Variants in SMG5 observed in about 807,000 individuals in gnomAD.
SMG5 encodes SMG5 nonsense mediated mRNA decay factor, also known as nonsense-mediated mRNA decay factor SMG5.
In SMG5, 53 loss-of-function variants were observed where a neutral mutation model predicts 122.9. The observed-to-expected ratio is 0.43, with a 90% CI of 0.35 to 0.54. SMG5 has a LOEUF of 0.54. Among genes scored for constraint, SMG5 ranks in the 20% least tolerant of loss-of-function variants. The pLI is 0.01. For synonymous variants in SMG5, 477 were observed against 490.2 expected (o/e 0.97, Z 0.35); for missense variants, 1,153 against 1,285.6 (o/e 0.90, Z 1.58).
rs142673543 is a variant in SMG5 at position 156,253,461 on chromosome 1, C to T, written c.2490G>A (p.Gln830=). The T allele has an allele frequency of 5.6e-6, 9 of 1,614,090 alleles. No homozygotes were observed. In the African/African-American group the frequency reaches 1.1e-4, roughly 19 times the overall value. Residue 830 remains glutamine, a synonymous_variant, in exon 17 of 22, where the codon CAG becomes CAA. Transcript: ENST00000361813. ...RRNRLMRDMA[Q]LRLQLEVSQL... Reference sequence around the variant, plus strand: ...CCTGATTTCCTACCTGAAGTCGTAGCTGAGCCATGTCTCTCATGAGCCTGT... The same window carrying T: ...CCTGATTTCCTACCTGAAGTCGTAGTTGAGCCATGTCTCTCATGAGCCTGT...
chr1:156,273,411 A>G lies in SMG5; in HGVS notation c.584T>C (p.Leu195Pro), dbSNP rs1390158220. ...QNELAGVDTE[L>P]LAERFYYQAL... ...TTGGTAGTAAAATCTCTCGGCTAGC[A>G]GCTCGGTATCTACGCCAGCTAATTC... Residue 195 changes from leucine to proline, a missense_variant, in exon 6 of 22, where the codon CTG (leucine) becomes CCG (proline). Physicochemically the swap from Leu to Pro is moderately conservative, Grantham distance 98. This residue lies in a region of SMG5 where 85 missense variants were observed against 127.3 expected (regional missense o/e 0.67). Coordinates refer to ENST00000361813, the MANE Select transcript of SMG5 (RefSeq NM_015327.3). 1.2e-6 allele frequency: 2 copies of G among 1,614,028 alleles called. No homozygotes were observed. The highest frequency in any genetic ancestry group is 2.2e-5 in the South Asian group (2 of 91,074).
chr1:156,283,265 A>C (rs1034393175), upstream of SMG5, among the ~76,000 whole-genome samples: 6 of 152,244 alleles, frequency 3.9e-5, no homozygotes, highest in Admixed American at 2.6e-4. Flanking sequence ...GCCGAGCATC[A>C]CATAGGAGTA....
chr1:156,251,387 A>G lies in SMG5; in HGVS notation c.2828+16T>C. On this transcript the variant is annotated intron_variant, in intron 20 of 21. Coordinates refer to ENST00000361813, the MANE Select transcript of SMG5 (RefSeq NM_015327.3). ...CAGGTGGCCTGAGGTTCTAGGGGTG[A>G]GGGCTAAAATGTTACCAGGCATCTG... 1 of 1,614,010 alleles carries G rather than the reference A, an allele frequency of 6.2e-7. No individual in the cohort carries two copies. Among genetic ancestry groups the G allele is most frequent in the East Asian group, 2.2e-5 (1 of 44,884 alleles).
chr1:156,279,601 G>A (rs1037343326), intron 1 of SMG5, among the ~76,000 whole-genome samples: 4 of 152,042 alleles, frequency 2.6e-5, no homozygotes, highest in Non-Finnish European at 5.9e-5. Flanking sequence ...ACTGTTGTGA[G>A]GATTAAATGA....
Position 156,282,684 on chromosome 1 carries a change from G to A in SMG5, c.-4C>T. On this transcript the variant is annotated 5_prime_UTR_variant, in exon 1 of 22. Transcript: ENST00000361813. ...CTGTGGGGGGGCCTTGGCTCATGGT[G>A]CCCGGGTCCGGGGGCAGCTCCCGGT... is the stretch of plus-strand genomic sequence containing the variant. 6.3e-7 allele frequency: 1 copy of A among 1,599,618 alleles called. No individual in the cohort carries two copies. Among genetic ancestry groups the A allele is most frequent in the African/African-American group, 1.3e-5 (1 of 74,952 alleles).
At position 156,250,444 on chromosome 1, in the gene SMG5, G is replaced by A. The variant is rs1661294214; in HGVS notation, c.*143C>T. The A allele has an allele frequency of 2.7e-6, 2 of 750,786 alleles. No individual in the cohort carries two copies. The highest frequency in any genetic ancestry group is 1.7e-5 in the African/African-American group (1 of 57,578). The allele number at this position is 750,786 out of a possible 1,614,324, so 46.5% of individuals were successfully genotyped here. A position where few individuals can be genotyped will look rare whatever the true frequency, so the allele number is the denominator to read the frequency against. On this transcript the variant is annotated 3_prime_UTR_variant, in exon 22 of 22. Transcript: ENST00000361813. The stretch of plus-strand genomic sequence containing the variant: ...CCCAGCCGGCTCCTGGGCCCTCCCT[G>A]CAGCCTCTGAGCAGCTAGGCCTCCC...
chr1:156,250,847 C>T lies in SMG5; in HGVS notation c.2967+11G>A. On this transcript the variant is annotated intron_variant, in intron 21 of 21. Coordinates refer to ENST00000361813, the MANE Select transcript of SMG5 (RefSeq NM_015327.3). Reference sequence around the variant, plus strand: ...ATTCCACACCATCCCCCCACCTCACCCATGACCCACCTGCATGGGGCCTGA... The same window carrying T: ...ATTCCACACCATCCCCCCACCTCACTCATGACCCACCTGCATGGGGCCTGA... The T allele has an allele frequency of 6.2e-7, 1 of 1,613,710 alleles. No individual in the cohort carries two copies. The highest frequency in any genetic ancestry group is 8.5e-7 in the Non-Finnish European group (1 of 1,179,790).
chr1:156,260,327 C>T, intron 15 of SMG5, 124 bp downstream of exon 15: 1 of 1,194,976 alleles, frequency 8.4e-7, no homozygotes, highest in Non-Finnish European at 1.2e-6. Context: ...CCTGTAGCCC[C>T]AAGGACACTG....
chr1:156,257,502 AC>A (rs1410054307), intron 16 of SMG5, among the ~76,000 whole-genome samples: 3 of 151,888 alleles, frequency 2.0e-5, no homozygotes, highest in African/African-American at 7.3e-5. Context: ...GGTACTCCCT[AC>A]CCCCCGACAG....
chr1:156,273,538 GTA>G, intron 5 of SMG5, 88 bp from the exon 6 acceptor site: 6 of 1,261,598 alleles, frequency 4.8e-6, no homozygotes, highest in Non-Finnish European at 6.8e-6. Context: ...TCTGAGAGTG[GTA>G]ACAAGAGCCT....
Position 156,265,915 on chromosome 1 carries a change from A to T in SMG5, c.1721T>A (p.Met574Lys), listed in dbSNP as rs1211014715. ...ASNLQAMSTQ[M>K]FQTKRCFRLA... ...TCGGAAGCAGCGCTTAGTCTGGAAC[A>T]TCTGGGTGGACATGGCTTGTAGATT... Residue 574 changes from methionine (M) to lysine (K), a missense_variant, in exon 12 of 22, where the codon ATG becomes AAG. Around this residue, in one of 5 missense-constraint regions of SMG5, gnomAD observed 631 missense variants for 650.6 expected, o/e 0.97. Transcript: ENST00000361813. 1.2e-6 allele frequency: 2 copies of T among 1,614,062 alleles called. No individual in the cohort carries two copies. The highest frequency in any genetic ancestry group is 1.7e-6 in the Non-Finnish European group (2 of 1,180,038).
chr1:156,286,267 G>C (rs772507903), upstream of SMG5: 2 of 1,614,002 alleles, frequency 1.2e-6, no homozygotes. Context: ...CAGGGATCCT[G>C]GTGTACGGGC....
chr1:156,272,443 T>C (rs1212952042), intron 6 of SMG5, 45 bp from the exon 7 acceptor site: 6 of 1,524,574 alleles, frequency 3.9e-6, no homozygotes, highest in Middle Eastern at 1.7e-4. Flanking sequence ...ACAATACTCA[T>C]TCAAAGCTGC....
rs1262101434 is a variant in SMG5 at position 156,266,194 on chromosome 1, TC to T, written c.1441del (p.Asp481ThrfsTer36). ...DSDLSEGFES[D>X]SSHDSARASE... ...GGCCCGGGCTGAGTCATGGCTTGAGTCCGATTCAAAGCCTTCACTCAGGTCA... is the reference window on the plus strand; with the variant it reads ...GGCCCGGGCTGAGTCATGGCTTGAGTCGATTCAAAGCCTTCACTCAGGTCA... On this transcript the variant is annotated frameshift_variant, in exon 12 of 22. Transcript: ENST00000361813. LOFTEE classifies it high-confidence loss of function. The T allele has an allele frequency of 6.2e-7, 1 of 1,614,182 alleles. No individual in the cohort carries two copies.
rs770015202 is a variant in SMG5, at chr1:156,278,032, C to T, written c.190G>A (p.Val64Ile). Residue 64 changes from valine (V) to isoleucine (I), a missense_variant, in exon 3 of 22, where the codon GTC becomes ATC. Val to Ile is a conservative substitution (Grantham distance 29, BLOSUM62 3). This residue lies in a region of SMG5 where 213 missense variants were observed against 197.5 expected (regional missense o/e 1.08). Coordinates refer to ENST00000361813, the MANE Select transcript of SMG5 (RefSeq NM_015327.3). ...ACTGGGTGCAGGAACATAAGCTTGA[C>T]GCAGAGCTCACGCAGCCTGGAGGGT... ...SLRNKLRELCVKLMFLHPVDY... is the reference protein window; with the variant it reads ...SLRNKLRELCIKLMFLHPVDY... The T allele has an allele frequency of 1.2e-5, 20 of 1,613,960 alleles. No individual in the cohort carries two copies. The Middle Eastern group carries it at 4.9e-4, about 40-fold the overall frequency.
At position 156,266,397 on chromosome 1, in the gene SMG5, G is replaced by T. The variant is rs371912231; in HGVS notation, c.1256-17C>A. The T allele has an allele frequency of 6.2e-7, 1 of 1,606,934 alleles. No individual in the cohort carries two copies. The highest frequency in any genetic ancestry group is 8.5e-7 in the Non-Finnish European group (1 of 1,175,330). The stretch of plus-strand genomic sequence containing the variant: ...CTGGTTCATCTGCGGAAAGAGGAAG[G>T]TCAGGTGGAGCCCGAGGAACAGGTG... On this transcript the variant is annotated splice_polypyrimidine_tract_variant and intron_variant, in intron 11 of 21. Coordinates refer to ENST00000361813, the MANE Select transcript of SMG5 (RefSeq NM_015327.3).
intron 1 of SMG5, among the ~76,000 whole-genome samples, chr1:156,281,151 A>T (rs939485035): frequency 2.0e-5 from 3 of 152,238 alleles, no homozygotes; most frequent in Admixed American, 2.0e-4. Context: ...AAAAACAGTG[A>T]TTGGCTGCCT....
chr1:156,285,664 C>A (rs1249574827), upstream of SMG5: 1 of 1,613,962 alleles, frequency 6.2e-7, no homozygotes. Context: ...AAGACCTTAT[C>A]GTGCGCTGTG....
At chr1:156,281,847 G>GAGGGCTGA (rs1662964548) in intron 1 of SMG5, among the ~76,000 whole-genome samples, 2 of 152,336 alleles carry the variant, frequency 1.3e-5, no homozygotes, top group East Asian at 3.9e-4. Context: ...GTTGCCAACA[G>GAGGGCTGA]AGGGCTGAAG....
Sources: gnomAD v4.1 joint callset for allele counts (sites outside exome capture counted in the v4.1 genomes callset) on GRCh38, gnomAD v4.1.1 for gene constraint, gnomAD v4.1.1 regional missense constraint, MANE v1.5 for transcripts, NCBI Gene and HGNC (gene_info 2026-07-23, HGNC 2026-07-21) for gene names.